MTHFD1L: variants seen among roughly 807,000 people sequenced by gnomAD.
MTHFD1L encodes the protein monofunctional C1-tetrahydrofolate synthase, mitochondrial.
Under a neutral mutation model 119.5 loss-of-function variants are expected in MTHFD1L, and 81 were observed. The observed-to-expected ratio is 0.68, with a 90% CI of 0.57 to 0.82. The LOEUF is 0.82. Among genes scored for constraint, MTHFD1L ranks in the 40% least tolerant of loss-of-function variants. The probability of loss-of-function intolerance (pLI) is 0.00; values close to 1 mark genes in which losing one functional copy is unlikely to be tolerated. For missense variants in MTHFD1L, 1,125 were observed against 1,253.4 expected (o/e 0.90, Z 1.55); for synonymous variants, 430 against 475.2 (o/e 0.90, Z 1.24).
chr6:151,003,447 G>A (rs949686710), intron 20 of MTHFD1L, among the ~76,000 whole-genome samples: 13 of 152,046 alleles, frequency 8.6e-5, no homozygotes, highest in African/African-American at 2.2e-4. Flanking sequence ...CAGGAGAATC[G>A]CTCGAACCTG....
intron 24 of MTHFD1L, among the ~76,000 whole-genome samples, chr6:151,019,277 A>G (rs66924682): frequency 0.23 from 34,815 of 152,034 alleles, 4,300 homozygotes; most frequent in Middle Eastern, 0.3. Flanking sequence ...CCCACTCTGC[A>G]TAGCAAAGGC....
At chr6:150,866,203 C>T in intron 1 of MTHFD1L, 154 bp downstream of exon 1, 1 of 1,359,160 alleles carries the variant, frequency 7.4e-7, no homozygotes, top group Non-Finnish European at 9.6e-7. Flanking sequence ...TCGGGAAACG[C>T]GGGCTTGGGC....
chr6:150,965,354 A>G (rs532972735), intron 19 of MTHFD1L, among the ~76,000 whole-genome samples: 75 of 152,338 alleles, frequency 4.9e-4, no homozygotes, highest in African/African-American at 1.8e-3. Context: ...TGACCCGAGT[A>G]GAAACTTAGA....
intron 20 of MTHFD1L, among the ~76,000 whole-genome samples, chr6:150,981,152 C>T (rs1270405264): frequency 2.0e-5 from 3 of 152,130 alleles, no homozygotes; most frequent in Non-Finnish European, 4.4e-5. Context: ...AGATGTGTGT[C>T]CTTGTCAGGC....
chr6:151,092,277 A>G (rs1484402229), intron 26 of MTHFD1L, among the ~76,000 whole-genome samples, 190 bp from the exon 27 acceptor site: 3 of 152,166 alleles, frequency 2.0e-5, no homozygotes, highest in Non-Finnish European at 4.4e-5. Context: ...GGAAGTTGAC[A>G]TTTGCCTTTT....
intron 4 of MTHFD1L, 62 bp downstream of exon 4, chr6:150,877,888 T>A: frequency 6.3e-7 from 1 of 1,583,458 alleles, no homozygotes; most frequent in Non-Finnish European, 8.7e-7. Flanking sequence ...AATAGGCCCA[T>A]TGGCGTCTCT....
At chr6:151,094,695 C>G (rs1794745722) in intron 27 of MTHFD1L, among the ~76,000 whole-genome samples, 1 of 152,168 alleles carries the variant, frequency 6.6e-6, no homozygotes, top group Non-Finnish European at 1.5e-5. Context: ...AGGCGTCCAC[C>G]ACCATGCCCA....
At chr6:150,880,377 C>T (rs1781209507) in intron 4 of MTHFD1L, among the ~76,000 whole-genome samples, 1 of 152,204 alleles carries the variant, frequency 6.6e-6, no homozygotes, top group African/African-American at 2.4e-5. Context: ...CTGCACCTGG[C>T]TTATTTCACT....
At chr6:150,898,889 G>A (rs1324566348) in intron 7 of MTHFD1L, 1 of 529,226 alleles carries the variant, frequency 1.9e-6, no homozygotes, top group African/African-American at 2.1e-5. Flanking sequence ...CCAGGCTGGA[G>A]TGCAGGCGCG....
intron 26 of MTHFD1L, chr6:151,055,128 T>A (rs1335168033): frequency 6.6e-6 from 1 of 152,104 alleles, no homozygotes; most frequent in Admixed American, 6.6e-5. Flanking sequence ...TAGCCGGGCA[T>A]GGTGTTGGGT....
intron 26 of MTHFD1L, among the ~76,000 whole-genome samples, chr6:151,058,213 A>G (rs545438787): frequency 4.1e-4 from 62 of 152,362 alleles, no homozygotes; most frequent in Middle Eastern, 3.4e-3. Flanking sequence ...CTAATGAAAT[A>G]TAAATAGCTT....
At chr6:151,097,213 G>A (rs562854003) in intron 27 of MTHFD1L, among the ~76,000 whole-genome samples, 2 of 152,312 alleles carry the variant, frequency 1.3e-5, no homozygotes, top group African/African-American at 4.8e-5. Flanking sequence ...ATTGTACTGT[G>A]CAAAGTTACG....
intron 24 of MTHFD1L, among the ~76,000 whole-genome samples, chr6:151,024,045 A>G (rs185564263): frequency 3.6e-4 from 55 of 152,234 alleles, no homozygotes; most frequent in African/African-American, 9.9e-4. Context: ...GGTTTAGGGG[A>G]AAAAAACACT....
At chr6:151,087,654 CTT>C (rs1272231599) in intron 26 of MTHFD1L, among the ~76,000 whole-genome samples, 14 of 152,290 alleles carry the variant, frequency 9.2e-5, no homozygotes, top group Middle Eastern at 6.8e-3. Flanking sequence ...GAAACAGAAT[CTT>C]TAATAATTTT....
chr6:151,049,254 G>A (rs996016304), intron 26 of MTHFD1L, among the ~76,000 whole-genome samples: 3 of 152,204 alleles, frequency 2.0e-5, no homozygotes, highest in African/African-American at 7.2e-5. Flanking sequence ...CACTTTGGGA[G>A]GCCGAGGCAG....
chr6:151,006,142 C>T (rs1781352291), intron 20 of MTHFD1L, among the ~76,000 whole-genome samples: 1 of 141,010 alleles, frequency 7.1e-6, no homozygotes, highest in Non-Finnish European at 1.5e-5. Flanking sequence ...ACTTAGGATG[C>T]TGCATGTGGT....
At chr6:151,037,145 C>G (rs1481731006) in intron 26 of MTHFD1L, 28 bp downstream of exon 26, 2 of 1,610,854 alleles carry the variant, frequency 1.2e-6, no homozygotes, top group South Asian at 2.2e-5. Flanking sequence ...TCCAAAAACC[C>G]TCCCCATTCT....
At chr6:151,004,057 A>T (rs1020585549) in intron 20 of MTHFD1L, among the ~76,000 whole-genome samples, 7 of 150,554 alleles carry the variant, frequency 4.6e-5, no homozygotes, top group South Asian at 4.3e-4. Context: ...TTACTTTAAA[A>T]TCTGAGTCCT....
intron 9 of MTHFD1L, among the ~76,000 whole-genome samples, chr6:150,919,834 G>T (rs1261456938): frequency 2.0e-5 from 3 of 152,126 alleles, no homozygotes; most frequent in Non-Finnish European, 4.4e-5. Context: ...TTTCAAGATG[G>T]GATTTGGGCA....
Sources: gnomAD v4.1 joint callset for allele counts (sites outside exome capture counted in the v4.1 genomes callset) on GRCh38, gnomAD v4.1.1 for gene constraint, MANE v1.5 for transcripts, NCBI Gene and HGNC (gene_info 2026-07-23, HGNC 2026-07-21) for gene names.